Variants in C12orf42 observed in about 807,000 individuals in gnomAD.
The protein encoded by C12orf42 is chromosome 12 open reading frame 42.
C12orf42 carries 25 observed loss-of-function variants against 21.6 expected under a neutral mutation model. The observed-to-expected ratio is 1.16, with a 90% CI of 0.84 to 1.62. The LOEUF (loss-of-function observed/expected upper bound fraction) is 1.62. Ranked by LOEUF, C12orf42 falls within the 40% of genes most tolerant of loss-of-function variation. The pLI, the probability that C12orf42 is intolerant of heterozygous loss-of-function variation, is 0.00. For synonymous variants in C12orf42, 174 were observed against 175.0 expected, an observed-to-expected ratio of 0.99 and a Z score of 0.05; for missense variants, 483 against 459.3, an observed-to-expected ratio of 1.05 and a Z score of -0.47.
chr12:103,353,374 T>G (rs891251655), intron 4 of C12orf42, among the ~76,000 whole-genome samples: 1 of 151,994 alleles, frequency 6.6e-6, no homozygotes, highest in East Asian at 1.9e-4. Context: ...TTAATCCATG[T>G]GATTAATCCA....
chr12:103,107,949 CATA>C, the C12orf42 span, among the ~76,000 whole-genome samples: 5 of 151,032 alleles, frequency 3.3e-5, no homozygotes, highest in African/African-American at 9.7e-5. Flanking sequence ...TTTTAAACAA[CATA>C]ATATCAATTA....
intron 4 of C12orf42, among the ~76,000 whole-genome samples, chr12:103,345,702 G>A (rs117040573): frequency 0.048 from 7,350 of 152,082 alleles, 232 homozygotes; most frequent in Non-Finnish European, 0.07. Flanking sequence ...ATAAATAAAA[G>A]CAACCTAAAT....
At chr12:103,210,466 G>A in the C12orf42 span, among the ~76,000 whole-genome samples, 1 of 151,842 alleles carries the variant, frequency 6.6e-6, no homozygotes, top group East Asian at 1.9e-4. Flanking sequence ...TCCTCACCTG[G>A]AGGCTGCTTC....
chr12:103,302,254 G>A lies in C12orf42; in HGVS notation c.937C>T (p.Pro313Ser), dbSNP rs766692345. The change falls in exon 6 of 6, where the codon CCT becomes TCT. Residue 313 changes from proline to serine, a missense_variant. Coordinates refer to ENST00000548883, the MANE Select transcript of C12orf42 (RefSeq NM_198521.5). ...LHGNLAGAPL[P>S]LLAGASTHFP... ...TGGGTGGAAGCACCGGCCAGCAGAGGAAGGGGCGCTCCTGCCAGATTGCCA... is the reference window on the plus strand; with the variant it reads ...TGGGTGGAAGCACCGGCCAGCAGAGAAAGGGGCGCTCCTGCCAGATTGCCA... 3 of 1,611,996 alleles carry A rather than the reference G, an allele frequency of 1.9e-6. No homozygotes were observed. The highest frequency in any genetic ancestry group is 2.5e-6 in the Non-Finnish European group (3 of 1,178,874).
intron 2 of C12orf42, among the ~76,000 whole-genome samples, chr12:103,410,882 A>T (rs980515912): frequency 6.6e-6 from 1 of 152,326 alleles, no homozygotes; most frequent in Admixed American, 6.5e-5. Context: ...GTTACTGAGC[A>T]CATCTCAGCA....
intron 10 of C12orf42, among the ~76,000 whole-genome samples, chr12:103,251,691 T>C (rs761555047): frequency 5.9e-5 from 9 of 152,178 alleles, no homozygotes; most frequent in Non-Finnish European, 1.0e-4. Context: ...AAAGTACCAG[T>C]ATTGGTCATG....
the C12orf42 span, among the ~76,000 whole-genome samples, chr12:103,182,321 G>A: frequency 6.6e-6 from 1 of 152,154 alleles, no homozygotes; most frequent in Non-Finnish European, 1.5e-5. Flanking sequence ...AAGGCATTAT[G>A]TTATCTGGAA....
chr12:103,237,956 A>G (rs1030029220), intron 10 of C12orf42: 6 of 152,220 alleles, frequency 3.9e-5, no homozygotes, highest in African/African-American at 1.4e-4. Flanking sequence ...GAAATATGCA[A>G]CATCACACTG....
intron 4 of C12orf42, among the ~76,000 whole-genome samples, chr12:103,341,694 T>A (rs377675472): frequency 1.3e-5 from 2 of 152,206 alleles, no homozygotes; most frequent in East Asian, 1.9e-4. Context: ...AGATGTCAGA[T>A]TGACTAAACA....
the C12orf42 span, among the ~76,000 whole-genome samples, chr12:103,516,202 G>T: frequency 6.6e-6 from 1 of 152,204 alleles, no homozygotes; most frequent in Non-Finnish European, 1.5e-5. Context: ...ATCATTCAAA[G>T]AAGCCACTAT....
At chr12:103,057,172 C>T in the C12orf42 span, among the ~76,000 whole-genome samples, 3 of 150,414 alleles carry the variant, frequency 2.0e-5, no homozygotes, top group African/African-American at 4.9e-5. Flanking sequence ...AAGGGGAGAA[C>T]AGCACATCTT....
the C12orf42 span, among the ~76,000 whole-genome samples, chr12:103,126,224 T>C: frequency 6.6e-6 from 1 of 152,118 alleles, no homozygotes; most frequent in African/African-American, 2.4e-5. Flanking sequence ...CCAGGTCCCA[T>C]TAGTACTAAC....
chr12:103,548,723 C>T, the C12orf42 span: 3 of 152,166 alleles, frequency 2.0e-5, no homozygotes, highest in Non-Finnish European at 4.4e-5. Context: ...TCGTGATTAA[C>T]GTATACAATT....
chr12:103,311,497 C>T (rs183821988), intron 4 of C12orf42, among the ~76,000 whole-genome samples: 7 of 152,228 alleles, frequency 4.6e-5, no homozygotes, highest in Admixed American at 4.6e-4. Context: ...CTACAACTAC[C>T]AGGTTGCCTA....
At chr12:103,428,513 G>A (rs1039954720) in intron 2 of C12orf42, among the ~76,000 whole-genome samples, 2 of 152,104 alleles carry the variant, frequency 1.3e-5, no homozygotes, top group African/African-American at 2.4e-5. Context: ...GGACCAGAAG[G>A]ATTCACAGCC....
chr12:103,254,126 T>G (rs759307101), intron 10 of C12orf42, among the ~76,000 whole-genome samples: 9 of 152,232 alleles, frequency 5.9e-5, no homozygotes, highest in Non-Finnish European at 1.0e-4. Flanking sequence ...CATTTAAGTC[T>G]TTAATCCATC....
intron 3 of C12orf42, among the ~76,000 whole-genome samples, chr12:103,391,729 GTA>G (rs1020070208): frequency 6.6e-6 from 1 of 151,008 alleles, no homozygotes; most frequent in Non-Finnish European, 1.5e-5. Flanking sequence ...GTGTGTGTGT[GTA>G]TATATATATG....
chr12:103,222,579 G>A, the C12orf42 span, among the ~76,000 whole-genome samples: 2,482 of 152,262 alleles, frequency 0.016, 63 homozygotes, highest in African/African-American at 0.052. Flanking sequence ...TGTTCATGGC[G>A]TGTGCAGATA....
downstream of C12orf42, among the ~76,000 whole-genome samples, chr12:103,264,882 A>G (rs1566003686): frequency 6.6e-6 from 1 of 152,082 alleles, no homozygotes; most frequent in Non-Finnish European, 1.5e-5. Context: ...CTAGCTGCCT[A>G]TGAGAATGGC....
Sources: gnomAD v4.1 joint callset for allele counts (sites outside exome capture counted in the v4.1 genomes callset) on GRCh38, gnomAD v4.1.1 for gene constraint, MANE v1.5 for transcripts, NCBI Gene and HGNC (gene_info 2026-07-23, HGNC 2026-07-21) for gene names.